The following TRIB2 variants were observed in gnomAD, a reference collection of about 807,000 sequenced individuals.
TRIB2 encodes the protein tribbles pseudokinase 2, also known as tribbles homolog 2.
In TRIB2, 2 loss-of-function variants were observed where a neutral mutation model predicts 26.8. The observed-to-expected ratio is 0.07, with a 90% CI of 0.03 to 0.24. The LOEUF (loss-of-function observed/expected upper bound fraction) is 0.24, where lower values mean the gene tolerates loss of function less well. Among genes scored for constraint, TRIB2 ranks in the 10% least tolerant of loss-of-function variants. The probability of loss-of-function intolerance (pLI) is 1.00; values close to 1 mark genes in which losing one functional copy is unlikely to be tolerated. For missense variants in TRIB2, 306 were observed against 449.0 expected, an observed-to-expected ratio of 0.68 and a Z score of 2.88; for synonymous variants, 189 against 187.3, an observed-to-expected ratio of 1.01 and a Z score of -0.08.
At position 12,718,029 on chromosome 2, in the gene TRIB2, T is replaced by C. The variant is rs1221804712; in HGVS notation, c.-279T>C. ...GACACACACACAGAGTAACTAAAAG[T>C]GCGGCGATTCTGCACATCGCCGACT... On this transcript the variant is annotated 5_prime_UTR_variant, in exon 1 of 3. Coordinates refer to ENST00000155926, the MANE Select transcript of TRIB2 (RefSeq NM_021643.4). The surrounding 1 kb of genome is among the most constrained non-coding windows in gnomAD (Gnocchi z 4.0). 1.1e-5 allele frequency: 5 copies of C among 474,438 alleles called. No individual in the cohort carries two copies. Among genetic ancestry groups the C allele is most frequent in the African/African-American group, 1.9e-5 (1 of 51,560 alleles). 29.4% of individuals were successfully genotyped at this position (474,438 alleles called of 1,614,324 possible). A position where few individuals can be genotyped will look rare whatever the true frequency, so the allele number is the denominator to read the frequency against.
intron 2 of TRIB2, among the ~76,000 whole-genome samples, chr2:12,725,940 C>T (rs369282009): frequency 2.0e-5 from 3 of 152,330 alleles, no homozygotes; most frequent in East Asian, 3.9e-4. Context: ...ACTCCTCCAT[C>T]TGATCAGTGA....
At chr2:12,730,826 ATGT>A (rs1661436687) in intron 2 of TRIB2, among the ~76,000 whole-genome samples, 1 of 152,186 alleles carries the variant, frequency 6.6e-6, no homozygotes, top group African/African-American at 2.4e-5. Context: ...CTCATTTTCA[ATGT>A]TGTTTTCTAC....
chr2:12,734,532 G>A (rs776804003), intron 2 of TRIB2, among the ~76,000 whole-genome samples: 12 of 152,114 alleles, frequency 7.9e-5, no homozygotes, highest in Admixed American at 3.9e-4. Flanking sequence ...AGGCTTTTGG[G>A]TTGAGGGTAG....
Position 12,718,469 on chromosome 2 carries a change from G to A in TRIB2, c.162G>A (p.Leu54=), listed in dbSNP as rs568344679. The change falls in exon 1 of 3, where the codon TTG becomes TTA. Residue 54 remains leucine (L), a synonymous_variant. Transcript: ENST00000155926. The surrounding 1 kb of genome is among the most constrained non-coding windows in gnomAD (Gnocchi z 4.0). ...CGAGCCCGCCCGAGACTCCGAACTT[G>A]TCGCATTGCGTTTCTTGTATCGGGA... ...GSPSPPETPN[L]SHCVSCIGKY... is the part of the protein sequence containing the mutation. The A allele has an allele frequency of 2.7e-5, 44 of 1,614,220 alleles. 1 individual carries two copies. In the Admixed American group the frequency reaches 5.3e-4, roughly 20 times the overall value.
intron 2 of TRIB2, 81 bp downstream of exon 2, chr2:12,723,633 G>T (rs1390459702): frequency 1.2e-5 from 18 of 1,502,328 alleles, no homozygotes; most frequent in East Asian, 2.3e-5. Context: ...TTGAATGGAC[G>T]TTTTTTTGCC....
Position 12,718,490 on chromosome 2 carries a change from C to T in TRIB2, c.183C>T (p.Ile61=). The T allele has an allele frequency of 6.2e-7, 1 of 1,614,192 alleles. No homozygotes were observed. The highest frequency in any genetic ancestry group is 8.5e-7 in the Non-Finnish European group (1 of 1,180,038). ...TPNLSHCVSC[I]GKYLLLEPLE... is the part of the protein sequence containing the mutation. ...ACTTGTCGCATTGCGTTTCTTGTAT[C>T]GGGAAATACTTATTGTTGGAACCTC... The change falls in exon 1 of 3, where the codon ATC becomes ATT. Residue 61 remains isoleucine, a synonymous_variant. Coordinates refer to ENST00000155926, the MANE Select transcript of TRIB2 (RefSeq NM_021643.4). The surrounding 1 kb of genome is among the most constrained non-coding windows in gnomAD (Gnocchi z 4.0).
chr2:12,738,470 C>T (rs1661634435), intron 2 of TRIB2, among the ~76,000 whole-genome samples: 1 of 152,142 alleles, frequency 6.6e-6, no homozygotes, highest in African/African-American at 2.4e-5. Flanking sequence ...ATCCTAACTC[C>T]AACTCCTCCC....
chr2:12,723,370 T>C lies in TRIB2; in HGVS notation c.381T>C (p.Tyr127=), dbSNP rs766340841. The change falls in exon 2 of 3, where the codon TAT becomes TAC. Residue 127 remains tyrosine (Y), a synonymous_variant. Coordinates refer to ENST00000155926, the MANE Select transcript of TRIB2 (RefSeq NM_021643.4). ...TEIILGETKA[Y]VFFERSYGDM... is the part of the protein sequence containing the mutation. ...TTATCCTGGGTGAGACCAAAGCCTA[T>C]GTGTTCTTTGAGCGAAGCTATGGGG... 6.2e-7 allele frequency: 1 copy of C among 1,614,224 alleles called. No homozygotes were observed. Among genetic ancestry groups the C allele is most frequent in the South Asian group, 1.1e-5 (1 of 91,084 alleles).
chr2:12,727,867 G>A (rs892609187), intron 2 of TRIB2, among the ~76,000 whole-genome samples: 1 of 152,090 alleles, frequency 6.6e-6, no homozygotes. Context: ...TGCTGGTTAT[G>A]GCTCAGAATC....
At chr2:12,724,319 G>A (rs1040345720) in intron 2 of TRIB2, among the ~76,000 whole-genome samples, 19 of 152,222 alleles carry the variant, frequency 1.2e-4, no homozygotes, top group Admixed American at 5.2e-4. Flanking sequence ...GGCTTATGCC[G>A]TTAACTCATT....
intron 1 of TRIB2, among the ~76,000 whole-genome samples, chr2:12,719,576 GT>G (rs11431277): frequency 1.8e-3 from 255 of 138,318 alleles, no homozygotes; most frequent in East Asian, 4.4e-3. Context: ...TTTGCTGACT[GT>G]TTTTTTTTTT....
In TRIB2 at chr2:12,741,789, A is replaced by G. The variant is rs1176626281; in HGVS notation, c.*995A>G. 1 of 152,700 alleles carries G rather than the reference A, an allele frequency of 6.5e-6. No homozygotes were observed. Among genetic ancestry groups the G allele is most frequent in the African/African-American group, 2.4e-5 (1 of 41,472 alleles). The allele number at this position is 152,700 out of a possible 1,614,324, so 9.5% of individuals were successfully genotyped here. Reference sequence around the variant, plus strand: ...AAACAAAGCAGGTTGTCCCACATGTATAAAATACAGGGCAGCTATTTAGTT... The same window carrying G: ...AAACAAAGCAGGTTGTCCCACATGTGTAAAATACAGGGCAGCTATTTAGTT... On this transcript the variant is annotated 3_prime_UTR_variant, in exon 3 of 3. Coordinates refer to ENST00000155926, the MANE Select transcript of TRIB2 (RefSeq NM_021643.4).
At position 12,740,917 on chromosome 2, in the gene TRIB2, G is replaced by A; in HGVS notation, c.*123G>A. 2 of 952,708 alleles carry A rather than the reference G, an allele frequency of 2.1e-6. No individual in the cohort carries two copies. The highest frequency in any genetic ancestry group is 1.7e-5 in the South Asian group (1 of 58,072). The allele number at this position is 952,708 out of a possible 1,614,324, so 59.0% of individuals were successfully genotyped here. ...GAAAGACACACTCTTAAGTTTCTTG[G>A]TTCAGAGCAGGAAAACCTTCAAGGA... On this transcript the variant is annotated 3_prime_UTR_variant, in exon 3 of 3. Transcript: ENST00000155926. This position sits in a 1 kb window ranked among gnomAD's most constrained non-coding sequence, Gnocchi z 5.8.
chr2:12,740,446 C>G lies in TRIB2; in HGVS notation c.684C>G (p.Gly228=). The part of the protein sequence containing the change: ...YVSPEILNTS[G]SYSGKAADVW... ...GCCCAGAGATCTTGAACACCAGTGG[C>G]AGCTACTCGGGCAAAGCAGCCGACG... Residue 228 remains glycine (G), a synonymous_variant, in exon 3 of 3, where the codon GGC becomes GGG. Coordinates refer to ENST00000155926, the MANE Select transcript of TRIB2 (RefSeq NM_021643.4). This position sits in a 1 kb window ranked among gnomAD's most constrained non-coding sequence, Gnocchi z 5.8. 6.2e-7 allele frequency: 1 copy of G among 1,614,146 alleles called. No individual in the cohort carries two copies. Among genetic ancestry groups the G allele is most frequent in the Non-Finnish European group, 8.5e-7 (1 of 1,180,024 alleles).
intron 2 of TRIB2, among the ~76,000 whole-genome samples, chr2:12,736,600 G>A (rs918064519): frequency 6.6e-6 from 1 of 152,194 alleles, no homozygotes; most frequent in African/African-American, 2.4e-5. Flanking sequence ...TTGCCGGTGA[G>A]CGCACTGAAG....
At chr2:12,723,158 C>A in intron 1 of TRIB2, 102 bp from the exon 2 acceptor site, 1 of 1,314,512 alleles carries the variant, frequency 7.6e-7, no homozygotes. Flanking sequence ...AGCATATTTT[C>A]TGTCATCTCA....
intron 2 of TRIB2, among the ~76,000 whole-genome samples, chr2:12,735,523 G>T (rs1333695551): frequency 6.6e-6 from 1 of 152,124 alleles, no homozygotes; most frequent in Admixed American, 6.5e-5. Context: ...CTTGCCAGCC[G>T]TAGGAGCCTA....
intron 2 of TRIB2, among the ~76,000 whole-genome samples, chr2:12,739,800 T>C (rs555247699): frequency 6.6e-6 from 1 of 152,224 alleles, no homozygotes; most frequent in Non-Finnish European, 1.5e-5. Context: ...GTTAATATCC[T>C]ACGTGTCTAA....
chr2:12,718,639 A>G lies in TRIB2; in HGVS notation c.270+62A>G. 1.3e-6 allele frequency: 2 copies of G among 1,574,950 alleles called. No individual in the cohort carries two copies. Among genetic ancestry groups the G allele is most frequent in the Non-Finnish European group, 1.7e-6 (2 of 1,155,724 alleles). On this transcript the variant is annotated intron_variant, in intron 1 of 2. Coordinates refer to ENST00000155926, the MANE Select transcript of TRIB2 (RefSeq NM_021643.4). The surrounding 1 kb of genome is among the most constrained non-coding windows in gnomAD (Gnocchi z 4.0). ...GGGCCCGAGGGAGCGGGAGGGCGCC[A>G]GGCCCTCGAGTCTGGGAGAGGGAGA...
Sources: gnomAD v4.1 joint callset for allele counts (sites outside exome capture counted in the v4.1 genomes callset) on GRCh38, gnomAD v4.1.1 for gene constraint, Gnocchi (gnomAD v3.1) non-coding constraint, MANE v1.5 for transcripts, NCBI Gene and HGNC (gene_info 2026-07-23, HGNC 2026-07-21) for gene names.